Variants in PMM2 observed in about 807,000 individuals in gnomAD.
PMM2 encodes the protein phosphomannomutase 2, also known as mannose-6-phosphate isomerase.
In PMM2, 35 loss-of-function variants were observed where a neutral mutation model predicts 33.2. That is an observed-to-expected ratio of 1.06 (90% CI 0.81 to 1.40). The LOEUF (loss-of-function observed/expected upper bound fraction) is 1.40, where lower values mean the gene tolerates loss of function less well. PMM2 is among the 40% of genes most tolerant of loss of function. PMM2 has a pLI of 0.00. For missense variants in PMM2, 386 were observed against 306.0 expected (o/e 1.26, Z -1.95); for synonymous variants, 153 against 114.7 (o/e 1.33, Z -2.13).
intron 7 of PMM2, among the ~76,000 whole-genome samples, chr16:8,825,756 A>T (rs867822605): frequency 2.2e-4 from 29 of 134,204 alleles, no homozygotes; most frequent in Middle Eastern, 4.1e-3. Flanking sequence ...ATAAAACACT[A>T]TTTTTTTTTT....
At chr16:8,833,707 G>C (rs1325115337) in intron 7 of PMM2, among the ~76,000 whole-genome samples, 2 of 151,468 alleles carry the variant, frequency 1.3e-5, no homozygotes, top group Non-Finnish European at 2.9e-5. Flanking sequence ...AATGATTGGT[G>C]ATGGCCTGGA....
intron 7 of PMM2, among the ~76,000 whole-genome samples, chr16:8,825,046 T>C (rs1490721055): frequency 1.3e-5 from 2 of 152,240 alleles, no homozygotes; most frequent in Non-Finnish European, 2.9e-5. Context: ...TTTGTTGTTG[T>C]TTGAGGTGGA....
intron 7 of PMM2, among the ~76,000 whole-genome samples, chr16:8,827,406 T>G (rs528649275): frequency 6.6e-6 from 1 of 150,886 alleles, no homozygotes; most frequent in Non-Finnish European, 1.5e-5. Context: ...TTTTATTTTT[T>G]TTTGAAATGG....
At position 8,804,856 on chromosome 16, in the gene PMM2, G is replaced by A; in HGVS notation, c.255+13G>A. The A allele has an allele frequency of 6.5e-7, 1 of 1,533,278 alleles. No homozygotes were observed. 95.0% of individuals were successfully genotyped at this position (1,533,278 alleles called of 1,614,324 possible). A position where few individuals can be genotyped will look rare whatever the true frequency, so the allele number is the denominator to read the frequency against. ...CTTGTGTAGACAGGTAGGTTCTTGAGTATCTGAATTACTATATACTATTAA... is the reference window on the plus strand; with the variant it reads ...CTTGTGTAGACAGGTAGGTTCTTGAATATCTGAATTACTATATACTATTAA... On this transcript the variant is annotated intron_variant, in intron 3 of 7. Coordinates refer to ENST00000268261, the MANE Select transcript of PMM2 (RefSeq NM_000303.3).
intron 6 of PMM2, 135 bp downstream of exon 6, chr16:8,811,848 A>G: frequency 2.8e-6 from 2 of 711,220 alleles, no homozygotes; most frequent in Middle Eastern, 2.4e-4. Context: ...TCCAGTCTAT[A>G]GACAAAAACC....
At chr16:8,801,066 T>G (rs1241375796) in intron 1 of PMM2, among the ~76,000 whole-genome samples, 9 of 152,208 alleles carry the variant, frequency 5.9e-5, no homozygotes, top group Non-Finnish European at 8.8e-5. Flanking sequence ...GTGTAGCATT[T>G]AAAAGGAATG....
At chr16:8,840,880 G>C (rs550890378) in intron 7 of PMM2, among the ~76,000 whole-genome samples, 1 of 151,982 alleles carries the variant, frequency 6.6e-6, no homozygotes, top group East Asian at 1.9e-4. Context: ...ATCTGGAGTA[G>C]GCAAGAGAAG....
intron 7 of PMM2, among the ~76,000 whole-genome samples, chr16:8,844,425 T>C (rs1418962609): frequency 6.6e-6 from 1 of 151,744 alleles, no homozygotes; most frequent in East Asian, 1.9e-4. Flanking sequence ...GAGTTTGGGG[T>C]ACTTGCCTCT....
chr16:8,828,527 C>T (rs2060791569), intron 7 of PMM2, among the ~76,000 whole-genome samples: 1 of 152,202 alleles, frequency 6.6e-6, no homozygotes, highest in African/African-American at 2.4e-5. Flanking sequence ...GACACTGTCA[C>T]ATGTCCTCTC....
chr16:8,804,700 A>C, intron 2 of PMM2, 67 bp from the exon 3 acceptor site: 1 of 1,039,482 alleles, frequency 9.6e-7, no homozygotes, highest in Admixed American at 1.7e-5. Context: ...GGTCATTGTT[A>C]ATCAAGGAGT....
intron 4 of PMM2, 33 bp downstream of exon 4, chr16:8,806,440 G>T: frequency 7.6e-7 from 1 of 1,307,802 alleles, no homozygotes; most frequent in South Asian, 1.2e-5. Flanking sequence ...GGCGTCACAG[G>T]AACATAGCGT....
chr16:8,833,421 C>T (rs1040643849), intron 7 of PMM2, among the ~76,000 whole-genome samples: 13 of 152,160 alleles, frequency 8.5e-5, no homozygotes, highest in Non-Finnish European at 1.3e-4. Flanking sequence ...TGTATACGTG[C>T]AAGTCACAGG....
chr16:8,827,944 A>AATAT (rs71153001), intron 7 of PMM2, among the ~76,000 whole-genome samples: 2 of 113,736 alleles, frequency 1.8e-5, no homozygotes, highest in Admixed American at 1.2e-4. Context: ...TATATTTATA[A>AATAT]ATATATATAT....
intron 7 of PMM2, among the ~76,000 whole-genome samples, chr16:8,834,921 C>T (rs1454583284): frequency 4.6e-5 from 7 of 152,110 alleles, no homozygotes; most frequent in African/African-American, 1.2e-4. Flanking sequence ...GATTGAGGTC[C>T]GGGCCAGGAA....
intron 7 of PMM2, among the ~76,000 whole-genome samples, chr16:8,823,884 A>G (rs750509237): frequency 3.9e-5 from 6 of 152,224 alleles, no homozygotes; most frequent in South Asian, 2.1e-4. Flanking sequence ...CTGTTAGTCA[A>G]CTTTGTTCCT....
At chr16:8,801,398 A>T (rs1315652747) in intron 1 of PMM2, among the ~76,000 whole-genome samples, 1 of 152,196 alleles carries the variant, frequency 6.6e-6, no homozygotes, top group Non-Finnish European at 1.5e-5. Flanking sequence ...AGGCTTATAG[A>T]CCTGGCTTAT....
chr16:8,845,371 G>C (rs2060918462), intron 7 of PMM2, among the ~76,000 whole-genome samples: 1 of 152,130 alleles, frequency 6.6e-6, no homozygotes, highest in East Asian at 1.9e-4. Context: ...CTTCTTTTGT[G>C]GATCTTTAGT....
Position 8,806,506 on chromosome 16 carries a change from C to G in PMM2, c.347+99C>G, listed in dbSNP as rs2060649252. ...CTCCAAATAGGATTATAAAAATCAC[C>G]TAAAGAGTTTTAAAAACAAAGTCTG... On this transcript the variant is annotated intron_variant, in intron 4 of 7. Coordinates refer to ENST00000268261, the MANE Select transcript of PMM2 (RefSeq NM_000303.3). 3.7e-6 allele frequency: 3 copies of G among 818,974 alleles called. No individual in the cohort carries two copies. The African/African-American group carries it at 5.0e-5, about 14-fold the overall frequency. 50.7% of individuals were successfully genotyped at this position (818,974 alleles called of 1,614,324 possible). A position where few individuals can be genotyped will look rare whatever the true frequency, so the allele number is the denominator to read the frequency against.
At chr16:8,810,696 C>G in intron 4 of PMM2, 1 of 328,208 alleles carries the variant, frequency 3.0e-6, no homozygotes, top group Non-Finnish European at 5.9e-6. Flanking sequence ...CCTGCCTCAA[C>G]CTCCTGAGTA....
Sources: gnomAD v4.1 joint callset for allele counts (sites outside exome capture counted in the v4.1 genomes callset) on GRCh38, gnomAD v4.1.1 for gene constraint, MANE v1.5 for transcripts, NCBI Gene and HGNC (gene_info 2026-07-23, HGNC 2026-07-21) for gene names.